Variants in SH3BP5 observed in about 807,000 individuals in gnomAD.
SH3BP5 encodes SH3 domain binding protein 5, also known as SH3 domain-binding protein 5.
Under a neutral mutation model 43.3 loss-of-function variants are expected in SH3BP5, and 22 were observed. The ratio of observed to expected loss-of-function variants is 0.51; its 90% CI spans 0.36 to 0.73. The LOEUF (loss-of-function observed/expected upper bound fraction) is 0.73, where lower values mean the gene tolerates loss of function less well. SH3BP5 is among the 30% of genes least tolerant of loss of function. The probability of loss-of-function intolerance (pLI) is 0.00; values close to 1 mark genes in which losing one functional copy is unlikely to be tolerated. For synonymous variants in SH3BP5, 255 were observed against 225.8 expected (o/e 1.13, Z -1.16); for missense variants, 529 against 586.9 (o/e 0.90, Z 1.02).
At chr3:15,289,100 T>A (rs7633505) in intron 3 of SH3BP5, among the ~76,000 whole-genome samples, 27,223 of 152,040 alleles carry the variant, frequency 0.18, 3,534 homozygotes, top group African/African-American at 0.37. Context: ...TGTGGGTAAC[T>A]TAAGCCCACC....
chr3:15,278,311 C>T (rs1207247213), intron 3 of SH3BP5, among the ~76,000 whole-genome samples: 9 of 152,256 alleles, frequency 5.9e-5, no homozygotes, highest in Non-Finnish European at 5.9e-5. Context: ...TCAATAACCC[C>T]TGGGGGGTCT....
At chr3:15,268,434 T>A (rs1053056232) in intron 4 of SH3BP5, among the ~76,000 whole-genome samples, 1 of 152,098 alleles carries the variant, frequency 6.6e-6, no homozygotes. Context: ...CAGGGTCTTA[T>A]TGGAGCTGCT....
chr3:15,263,396 A>G (rs1251327900), intron 4 of SH3BP5, among the ~76,000 whole-genome samples: 2 of 152,252 alleles, frequency 1.3e-5, no homozygotes, highest in African/African-American at 4.8e-5. Flanking sequence ...CAAAGCAGCC[A>G]TGACTTCCAT....
rs182866799 is a variant in SH3BP5 at position 15,272,427 on chromosome 3, G to A, written c.331-2550C>T. Reference sequence around the variant, plus strand: ...TTTCCAGTACAAAGAACCAAGGAAGGCCTCTTAAAGGAGGAGGATCCCGAA... The same window carrying A: ...TTTCCAGTACAAAGAACCAAGGAAGACCTCTTAAAGGAGGAGGATCCCGAA... On this transcript the variant is annotated intron_variant, in intron 3 of 8. Coordinates refer to ENST00000383791, the MANE Select transcript of SH3BP5 (RefSeq NM_004844.5). Among the ~76,000 whole-genome samples the A allele has an allele frequency of 2.6e-5, 4 of 152,320 alleles. No homozygotes were observed. In the East Asian group the frequency reaches 7.7e-4, roughly 29 times the overall value.
chr3:15,294,452 T>G (rs189124255), intron 3 of SH3BP5, among the ~76,000 whole-genome samples: 194 of 152,214 alleles, frequency 1.3e-3, no homozygotes, highest in Non-Finnish European at 2.0e-3. Context: ...TCTTCCTCCC[T>G]TCCATCCAGT....
chr3:15,256,545 G>A, intron 8 of SH3BP5: 1 of 596,726 alleles, frequency 1.7e-6, no homozygotes, highest in Non-Finnish European at 2.9e-6. Context: ...CTTAGCTATA[G>A]AGATGAAATT....
At chr3:15,311,079 T>C (rs553337118) in intron 2 of SH3BP5, among the ~76,000 whole-genome samples, 1 of 152,158 alleles carries the variant, frequency 6.6e-6, no homozygotes, top group Non-Finnish European at 1.5e-5. Context: ...GAGATAAAGA[T>C]GGGATGGTGA....
chr3:15,326,530 G>C (rs971370030), intron 2 of SH3BP5, among the ~76,000 whole-genome samples: 7 of 152,176 alleles, frequency 4.6e-5, no homozygotes, highest in African/African-American at 1.7e-4. Flanking sequence ...TTCCCCTGGG[G>C]GCCCTGAAAG....
At chr3:15,311,818 C>A (rs1001873328) in intron 2 of SH3BP5, among the ~76,000 whole-genome samples, 2 of 152,054 alleles carry the variant, frequency 1.3e-5, no homozygotes, top group Non-Finnish European at 2.9e-5. Flanking sequence ...GGACTAGAGG[C>A]ACGTATGACC....
intron 1 of SH3BP5, 182 bp downstream of exon 1, chr3:15,332,089 C>T: frequency 1.0e-6 from 1 of 991,694 alleles, no homozygotes; most frequent in African/African-American, 1.6e-5. Context: ...CACGCGGGCA[C>T]TGTAGCCTCC....
chr3:15,257,178 C>T, intron 7 of SH3BP5, 65 bp from the exon 8 acceptor site: 1 of 1,539,254 alleles, frequency 6.5e-7, no homozygotes, highest in Non-Finnish European at 8.9e-7. Flanking sequence ...CAAGTGCTTG[C>T]TGCTGGCAGG....
At chr3:15,286,942 TCAAGGAGC>T (rs1697281471) in intron 3 of SH3BP5, among the ~76,000 whole-genome samples, 1 of 152,226 alleles carries the variant, frequency 6.6e-6, no homozygotes, top group East Asian at 1.9e-4. Context: ...ATTTCTGCTC[TCAAGGAGC>T]TCACGGTTCC....
chr3:15,337,205 C>T (rs1575363210), upstream of SH3BP5, among the ~76,000 whole-genome samples: 2 of 150,970 alleles, frequency 1.3e-5, no homozygotes, highest in East Asian at 3.9e-4. Context: ...CTGCCTCAGC[C>T]TCCTGTGTAG....
At chr3:15,326,050 T>A (rs1047742341) in intron 2 of SH3BP5, among the ~76,000 whole-genome samples, 4 of 152,096 alleles carry the variant, frequency 2.6e-5, no homozygotes, top group African/African-American at 9.7e-5. Context: ...GATCAATGGA[T>A]CTGTGGGAAA....
chr3:15,290,024 G>T (rs754479686), intron 3 of SH3BP5, among the ~76,000 whole-genome samples: 6 of 152,194 alleles, frequency 3.9e-5, no homozygotes, highest in Non-Finnish European at 8.8e-5. Flanking sequence ...CTGGGGTGTG[G>T]TGCTTTGACA....
intron 2 of SH3BP5, among the ~76,000 whole-genome samples, chr3:15,328,570 A>G (rs1698523388): frequency 6.6e-6 from 1 of 152,142 alleles, no homozygotes. Context: ...TCTTTACAAA[A>G]AAGCTTAAAG....
intron 2 of SH3BP5, among the ~76,000 whole-genome samples, chr3:15,324,590 C>T (rs1698413069): frequency 3.5e-5 from 1 of 28,630 alleles, no homozygotes; most frequent in African/African-American, 1.6e-4. Context: ...TCCTCCCTCC[C>T]CCGGTCTATC....
intron 1 of SH3BP5, among the ~76,000 whole-genome samples, chr3:15,340,357 T>A (rs751337431): frequency 6.6e-6 from 1 of 152,220 alleles, no homozygotes; most frequent in Non-Finnish European, 1.5e-5. Context: ...TTATTGGCCA[T>A]CTATTATGTG....
intron 3 of SH3BP5, chr3:15,273,258 G>A: frequency 1.0e-6 from 1 of 985,362 alleles, no homozygotes; most frequent in East Asian, 1.1e-4. Context: ...AGTTCTCTCT[G>A]CTTCAGTTAT....
Sources: allele counts gnomAD v4.1 joint callset (sites outside exome capture counted in the v4.1 genomes callset), GRCh38; gene constraint gnomAD v4.1.1; transcripts MANE v1.5; gene names NCBI Gene and HGNC (gene_info 2026-07-23, HGNC 2026-07-21).